The following CFAP61 variants were observed in gnomAD, a reference collection of about 807,000 sequenced individuals.
CFAP61 encodes the protein cilia and flagella associated protein 61, also known as cilia- and flagella-associated protein 61.
CFAP61 carries 107 observed loss-of-function variants against 135.6 expected under a neutral mutation model. The observed-to-expected ratio is 0.79, with a 90% CI of 0.67 to 0.93. The LOEUF (loss-of-function observed/expected upper bound fraction) is 0.93. Ranked by LOEUF, CFAP61 falls within the 40% of genes least tolerant of loss-of-function variation. The probability of loss-of-function intolerance (pLI) is 0.00; values close to 1 mark genes in which losing one functional copy is unlikely to be tolerated. For synonymous variants in CFAP61, 575 were observed against 578.5 expected, an observed-to-expected ratio of 0.99 and a Z score of 0.09; for missense variants, 1,507 against 1,556.2, an observed-to-expected ratio of 0.97 and a Z score of 0.53.
At chr20:20,192,930 C>A (rs761534009) in intron 15 of CFAP61, among the ~76,000 whole-genome samples, 2 of 152,104 alleles carry the variant, frequency 1.3e-5, no homozygotes, top group Non-Finnish European at 2.9e-5. Context: ...TCTGCCACAG[C>A]CATCACCTCC....
Position 20,055,915 on chromosome 20 carries a change from TGA to T in CFAP61, c.-36-696_-36-695del, listed in dbSNP as rs2044289352. ...GAGAGACTTACAGAAATTGAGACAA[TGA>T]GAGAGAAATTGAAATCATTTTGTGA... On this transcript the variant is annotated intron_variant, in intron 1 of 26. Coordinates refer to ENST00000245957, the MANE Select transcript of CFAP61 (RefSeq NM_015585.4). 6 of 1,510,850 alleles carry T rather than the reference TGA, an allele frequency of 4.0e-6. No homozygotes were observed. The African/African-American group carries it at 4.1e-5, about 10-fold the overall frequency. 93.6% of individuals were successfully genotyped at this position (1,510,850 alleles called of 1,614,324 possible). A position where few individuals can be genotyped will look rare whatever the true frequency, so the allele number is the denominator to read the frequency against.
At position 20,084,422 on chromosome 20, in the gene CFAP61, G is replaced by A. The variant is rs868142267; in HGVS notation, c.567-6422G>A. On this transcript the variant is annotated intron_variant, in intron 6 of 26. Coordinates refer to ENST00000245957, the MANE Select transcript of CFAP61 (RefSeq NM_015585.4). ...GTGGCCTGCTGCTGCTGCTGCTGCT[G>A]CTGCTGCTGCTGCTGCTGTCACTCC... Among the ~76,000 whole-genome samples the A allele has an allele frequency of 5.3e-3, 804 of 152,030 alleles. 10 individuals carry two copies. Among genetic ancestry groups the A allele is most frequent in the African/African-American group, 0.018 (761 of 41,450 alleles).
intron 7 of CFAP61, 96 bp downstream of exon 7, chr20:20,091,072 A>T: frequency 7.0e-7 from 1 of 1,433,530 alleles, no homozygotes; most frequent in Non-Finnish European, 9.7e-7. Flanking sequence ...TGGAGCTGCC[A>T]TTGTCTCCCT....
chr20:20,292,545 C>T (rs957331015), intron 24 of CFAP61, among the ~76,000 whole-genome samples: 1 of 152,208 alleles, frequency 6.6e-6, no homozygotes, highest in Non-Finnish European at 1.5e-5. Context: ...CAGATTGTCT[C>T]TGCTCCACAC....
rs371965486 is a variant in CFAP61 at position 20,257,510 on chromosome 20, A to G, written c.2329-5446A>G. ...GGGTCTTGTAATCCCAGCTACTTGGAAGGCTGAGGCAAAAGAATCACTTGA... is the reference window on the plus strand; with the variant it reads ...GGGTCTTGTAATCCCAGCTACTTGGGAGGCTGAGGCAAAAGAATCACTTGA... On this transcript the variant is annotated intron_variant, in intron 20 of 26. Coordinates refer to ENST00000245957, the MANE Select transcript of CFAP61 (RefSeq NM_015585.4). Among the ~76,000 whole-genome samples the G allele has an allele frequency of 9.1e-4, 138 of 151,858 alleles. No homozygotes were observed. The South Asian group carries it at 0.013, about 14-fold the overall frequency.
intron 2 of CFAP61, among the ~76,000 whole-genome samples, chr20:20,067,427 A>T (rs1200302589): frequency 6.6e-6 from 1 of 151,970 alleles, no homozygotes; most frequent in Non-Finnish European, 1.5e-5. Context: ...AACTAAAAAA[A>T]GTAAAAGAGA....
At chr20:20,170,250 A>G (rs968419687) in intron 13 of CFAP61, among the ~76,000 whole-genome samples, 2 of 152,226 alleles carry the variant, frequency 1.3e-5, no homozygotes, top group African/African-American at 4.8e-5. Context: ...TCTTTTTAAA[A>G]CATGAAAGAA....
intron 2 of CFAP61, among the ~76,000 whole-genome samples, chr20:20,070,290 A>T (rs890974922): frequency 6.6e-6 from 1 of 152,228 alleles, no homozygotes; most frequent in Non-Finnish European, 1.5e-5. Flanking sequence ...ATATGAATGA[A>T]TCAGTAAGTC....
rs529390873 is a variant in CFAP61, at chr20:20,290,066, C to T, written c.3125-234C>T. Among the ~76,000 whole-genome samples, 9 of 152,324 alleles carry T rather than the reference C, an allele frequency of 5.9e-5. No homozygotes were observed. The South Asian group carries it at 1.7e-3, about 28-fold the overall frequency. The stretch of plus-strand genomic sequence containing the variant: ...CAGGATACACAAGATCGGCTTGGCA[C>T]ATCCTGGAGCAATGGCGGCTACATT... On this transcript the variant is annotated intron_variant, in intron 23 of 26. Transcript: ENST00000245957.
intron 9 of CFAP61, 24 bp from the exon 10 acceptor site, chr20:20,159,346 A>G (rs377000035): frequency 1.8e-5 from 29 of 1,611,888 alleles, no homozygotes; most frequent in Non-Finnish European, 2.4e-5. Flanking sequence ...ATTAATTTTC[A>G]TGTTTTGCTG....
At chr20:20,065,448 CCAG>C (rs1484023689) in intron 2 of CFAP61, among the ~76,000 whole-genome samples, 4 of 151,846 alleles carry the variant, frequency 2.6e-5, no homozygotes, top group African/African-American at 9.7e-5. Flanking sequence ...ATCTTAGAAG[CCAG>C]CGTATTTTCA....
intron 20 of CFAP61, among the ~76,000 whole-genome samples, chr20:20,254,275 C>G (rs17401017): frequency 0.065 from 9,064 of 138,392 alleles, 508 homozygotes; most frequent in Middle Eastern, 0.12. Context: ...AGGGATACTT[C>G]GTTTTGATAT....
At chr20:20,184,918 A>G (rs528001264) in intron 13 of CFAP61, among the ~76,000 whole-genome samples, 2 of 152,168 alleles carry the variant, frequency 1.3e-5, no homozygotes, top group South Asian at 4.2e-4. Flanking sequence ...TGGCCTGTGC[A>G]GCAGAGCAGG....
intron 25 of CFAP61, among the ~76,000 whole-genome samples, chr20:20,327,294 G>C (rs2057787925): frequency 6.6e-6 from 1 of 151,992 alleles, no homozygotes; most frequent in Non-Finnish European, 1.5e-5. Flanking sequence ...AATATTAAAT[G>C]GTAGTGGAGA....
At chr20:20,250,309 G>A (rs1307471986) in intron 19 of CFAP61, among the ~76,000 whole-genome samples, 3 of 152,140 alleles carry the variant, frequency 2.0e-5, no homozygotes, top group African/African-American at 7.2e-5. Context: ...ACATTCTCAC[G>A]GTCACTCCTT....
chr20:20,163,541 A>C (rs1423119574), intron 10 of CFAP61, among the ~76,000 whole-genome samples: 1 of 152,146 alleles, frequency 6.6e-6, no homozygotes, highest in African/African-American at 2.4e-5. Flanking sequence ...TCAAAGGCCA[A>C]CTGAAACTAT....
intron 18 of CFAP61, among the ~76,000 whole-genome samples, chr20:20,244,688 G>A (rs1027961533): frequency 7.9e-5 from 12 of 152,174 alleles, no homozygotes; most frequent in Non-Finnish European, 4.4e-5. Flanking sequence ...TTAACATTCG[G>A]CTCCTTGTTA....
intron 24 of CFAP61, 69 bp from the exon 25 acceptor site, chr20:20,298,112 C>CT (rs1364702992): frequency 3.7e-5 from 38 of 1,029,270 alleles, no homozygotes; most frequent in Non-Finnish European, 5.5e-5. Flanking sequence ...AAATAAATTG[C>CT]TATGATAAAG....
At position 20,269,134 on chromosome 20, in the gene CFAP61, T is replaced by C. The variant is rs78451729; in HGVS notation, c.2503+6004T>C. On this transcript the variant is annotated intron_variant, in intron 21 of 26. Transcript: ENST00000245957. ...TTCGTGGGCTATATATATATATATA[T>C]ATATATATATATACACACACACACA... Among the ~76,000 whole-genome samples the C allele has an allele frequency of 7.3e-3, 592 of 81,130 alleles. 11 individuals are homozygous for C. The highest frequency in any genetic ancestry group is 0.021 in the African/African-American group (492 of 23,014). 53.2% of individuals were successfully genotyped at this position (81,130 alleles called of 152,430 possible). A position where few individuals can be genotyped will look rare whatever the true frequency, so the allele number is the denominator to read the frequency against.
Sources: gnomAD v4.1 joint callset for allele counts (sites outside exome capture counted in the v4.1 genomes callset) on GRCh38, gnomAD v4.1.1 for gene constraint, MANE v1.5 for transcripts, NCBI Gene and HGNC (gene_info 2026-07-23, HGNC 2026-07-21) for gene names.